NETO1: variants seen among roughly 807,000 people sequenced by gnomAD.
The protein encoded by NETO1 is neuropilin and tolloid-like protein 1.
Under a neutral mutation model 61.3 loss-of-function variants are expected in NETO1, and 26 were observed. The ratio of observed to expected loss-of-function variants is 0.42; its 90% CI spans 0.31 to 0.59. The LOEUF is 0.59. Among genes scored for constraint, NETO1 ranks in the 20% least tolerant of loss-of-function variants. The probability of loss-of-function intolerance (pLI) is 0.12; values close to 1 mark genes in which losing one functional copy is unlikely to be tolerated. For missense variants in NETO1, 531 were observed against 662.8 expected, an observed-to-expected ratio of 0.80 and a Z score of 2.18; for synonymous variants, 225 against 225.8, an observed-to-expected ratio of 1.00 and a Z score of 0.03.
chr18:72,867,189 T>C, intron 1 of NETO1, 75 bp downstream of exon 1: 1 of 1,196,584 alleles, frequency 8.4e-7, no homozygotes, highest in South Asian at 1.7e-5. Context: ...AGGCTTTTCC[T>C]GCGCGTTCGG....
intron 4 of NETO1, among the ~76,000 whole-genome samples, chr18:72,817,892 AC>A (rs1177724758): frequency 2.6e-5 from 4 of 152,182 alleles, no homozygotes; most frequent in South Asian, 2.1e-4. Context: ...CAGTGAAGAC[AC>A]CCATATAGAA....
chr18:72,828,303 T>G (rs2073452461), intron 4 of NETO1, among the ~76,000 whole-genome samples: 1 of 151,474 alleles, frequency 6.6e-6, no homozygotes, highest in South Asian at 2.1e-4. Context: ...AGAAGAAGAC[T>G]GCATCTCAAG....
chr18:72,832,708 T>G (rs984651846), intron 4 of NETO1, among the ~76,000 whole-genome samples: 1 of 152,228 alleles, frequency 6.6e-6, no homozygotes, highest in Non-Finnish European at 1.5e-5. Context: ...TGCTCTCATT[T>G]GTATAGGCTG....
chr18:72,856,112 GATGGGTACACTCTCA>G (rs1340938574), intron 4 of NETO1, among the ~76,000 whole-genome samples: 6 of 152,146 alleles, frequency 3.9e-5, no homozygotes, highest in Admixed American at 3.9e-4. Context: ...ATTTCTAAGA[GATGGGTACACTCTCA>G]ATGTGTTTAC....
At chr18:72,823,173 C>T (rs1372949293) in intron 4 of NETO1, among the ~76,000 whole-genome samples, 2 of 152,058 alleles carry the variant, frequency 1.3e-5, no homozygotes, top group Non-Finnish European at 2.9e-5. Flanking sequence ...TTCCGTATTC[C>T]AGACATTATG....
At chr18:72,866,391 G>A (rs1014039278) in intron 1 of NETO1, among the ~76,000 whole-genome samples, 44 of 152,014 alleles carry the variant, frequency 2.9e-4, no homozygotes, top group African/African-American at 9.9e-4. Context: ...TTAAATTAAG[G>A]CACTGGCTGC....
Position 72,745,533 on chromosome 18 carries a change from C to T in NETO1, c.*2646G>A, listed in dbSNP as rs2145056120. 6.6e-6 allele frequency: 1 copy of T among 152,212 alleles called. No homozygotes were observed. Among genetic ancestry groups the T allele is most frequent in the South Asian group, 2.1e-4 (1 of 4,824 alleles). 9.4% of individuals were successfully genotyped at this position (152,212 alleles called of 1,614,324 possible). A position where few individuals can be genotyped will look rare whatever the true frequency, so the allele number is the denominator to read the frequency against. ...TTGGTAATATTTGAATTCACTTTAT[C>T]AAAAAATATAATCATTTATTAAAAT... is the stretch of plus-strand genomic sequence containing the variant. On this transcript the variant is annotated 3_prime_UTR_variant, in exon 11 of 11. Transcript: ENST00000327305.
intron 7 of NETO1, among the ~76,000 whole-genome samples, chr18:72,770,429 T>G (rs984916857): frequency 1.3e-5 from 2 of 152,122 alleles, no homozygotes; most frequent in Non-Finnish European, 2.9e-5. Flanking sequence ...TTATCAATAG[T>G]GTGCTTTATG....
intron 7 of NETO1, among the ~76,000 whole-genome samples, chr18:72,775,793 A>G (rs909179640): frequency 6.6e-6 from 1 of 152,182 alleles, no homozygotes; most frequent in Non-Finnish European, 1.5e-5. Flanking sequence ...TTCTGTTAAC[A>G]AATCATTAAG....
At chr18:72,809,891 A>G (rs550985771) in intron 4 of NETO1, among the ~76,000 whole-genome samples, 75 of 152,350 alleles carry the variant, frequency 4.9e-4, no homozygotes, top group African/African-American at 1.7e-3. Flanking sequence ...CAAGATAGCC[A>G]CTTTTCCTTT....
In NETO1 at chr18:72,835,365, T is replaced by C. The variant is rs769393157; in HGVS notation, c.469+23461A>G. On this transcript the variant is annotated intron_variant, in intron 4 of 10. Coordinates refer to ENST00000327305, the MANE Select transcript of NETO1 (RefSeq NM_138966.5). ...AAAGAAGTTTAATTAGACCAGTATA[T>C]GATCAGGCATGAATTGTAGGAAGTC... The C allele has an allele frequency of 5.3e-6, 8 of 1,514,652 alleles. No homozygotes were observed. The African/African-American group carries it at 5.5e-5, about 10-fold the overall frequency. 93.8% of individuals were successfully genotyped at this position (1,514,652 alleles called of 1,614,324 possible).
intron 4 of NETO1, among the ~76,000 whole-genome samples, chr18:72,802,519 T>C (rs953789588): frequency 2.0e-5 from 3 of 152,254 alleles, no homozygotes; most frequent in Non-Finnish European, 4.4e-5. Context: ...TTAGTTTGCT[T>C]GAATTCGCTG....
intron 4 of NETO1, chr18:72,835,054 T>A: frequency 9.5e-7 from 1 of 1,048,950 alleles, no homozygotes; most frequent in Non-Finnish European, 1.1e-6. Context: ...AGGAAAGGAA[T>A]CCTGGGGAAA....
chr18:72,749,943 A>C, intron 9 of NETO1, 119 bp downstream of exon 9: 1 of 764,640 alleles, frequency 1.3e-6, no homozygotes, highest in South Asian at 2.1e-5. Flanking sequence ...TTGGAAAACT[A>C]GGGTTTAAAT....
chr18:72,838,876 T>A (rs1175338023), intron 4 of NETO1, among the ~76,000 whole-genome samples: 2 of 152,188 alleles, frequency 1.3e-5, no homozygotes, highest in African/African-American at 4.8e-5. Flanking sequence ...TTTACCTATT[T>A]CTCTCAACCG....
chr18:72,854,330 T>C (rs983915755), intron 4 of NETO1, among the ~76,000 whole-genome samples: 5 of 152,358 alleles, frequency 3.3e-5, no homozygotes, highest in Non-Finnish European at 7.3e-5. Context: ...GTCTATTCCT[T>C]AATTTCAATT....
chr18:72,846,424 G>GAACCT (rs2074085963), intron 4 of NETO1, among the ~76,000 whole-genome samples: 1 of 141,654 alleles, frequency 7.1e-6, no homozygotes, highest in Non-Finnish European at 1.5e-5. Context: ...AGAATCGCTT[G>GAACCT]AACCTGGGAG....
chr18:72,756,278 G>A (rs1431475456), intron 7 of NETO1, 131 bp from the exon 8 acceptor site: 4 of 545,250 alleles, frequency 7.3e-6, no homozygotes, highest in Non-Finnish European at 1.0e-5. Context: ...GATCTGCCGT[G>A]CGATTTTCAG....
At chr18:72,767,514 C>A (rs2071206154) in intron 7 of NETO1, among the ~76,000 whole-genome samples, 1 of 152,132 alleles carries the variant, frequency 6.6e-6, no homozygotes, top group African/African-American at 2.4e-5. Flanking sequence ...ACTTAAGATA[C>A]TTGTTTTGGT....
Sources: gnomAD v4.1 joint callset for allele counts (sites outside exome capture counted in the v4.1 genomes callset) on GRCh38, gnomAD v4.1.1 for gene constraint, MANE v1.5 for transcripts, NCBI Gene and HGNC (gene_info 2026-07-23, HGNC 2026-07-21) for gene names.